Variants in GPHN observed in about 807,000 individuals in gnomAD.
The protein encoded by GPHN is gephyrin.
In GPHN, 17 loss-of-function variants were observed where a neutral mutation model predicts 95.5. The observed-to-expected ratio is 0.18, with a 90% CI of 0.12 to 0.27. The LOEUF (loss-of-function observed/expected upper bound fraction) is 0.27, where lower values mean the gene tolerates loss of function less well. GPHN is among the 10% of genes least tolerant of loss of function. The probability of loss-of-function intolerance (pLI) is 1.00; values close to 1 mark genes in which losing one functional copy is unlikely to be tolerated. For synonymous variants in GPHN, 320 were observed against 322.5 expected (o/e 0.99, Z 0.08); for missense variants, 660 against 978.1 (o/e 0.67, Z 4.34).
At chr14:67,399,989 C>T in the GPHN span, among the ~76,000 whole-genome samples, 1 of 152,266 alleles carries the variant, frequency 6.6e-6, no homozygotes, top group Non-Finnish European at 1.5e-5. Context: ...AGTCCGTTGC[C>T]CCAACTCACT....
chr14:66,707,847 A>G (rs761043480), intron 2 of GPHN, among the ~76,000 whole-genome samples: 2 of 152,160 alleles, frequency 1.3e-5, no homozygotes, highest in African/African-American at 2.4e-5. Context: ...TGATGTTTCA[A>G]TGTAGGTATA....
At chr14:66,821,947 G>A (rs75667733) in intron 3 of GPHN, among the ~76,000 whole-genome samples, 1,737 of 152,126 alleles carry the variant, frequency 0.011, 37 homozygotes, top group African/African-American at 0.04. Context: ...TAATAAAACT[G>A]ATTTTTGTTT....
At chr14:67,198,234 G>T in the GPHN span, 10 of 1,613,946 alleles carry the variant, frequency 6.2e-6, no homozygotes, top group South Asian at 9.9e-5. Flanking sequence ...ACACTCCCAT[G>T]ATCCGAGAGA....
intron 8 of GPHN, among the ~76,000 whole-genome samples, chr14:66,931,461 C>T (rs1210429289): frequency 6.6e-6 from 1 of 152,100 alleles, no homozygotes; most frequent in Non-Finnish European, 1.5e-5. Flanking sequence ...CAGTCTCTCT[C>T]TCTCTCTCTA....
chr14:67,161,502 C>G (rs929722782), intron 19 of GPHN, among the ~76,000 whole-genome samples: 2 of 151,986 alleles, frequency 1.3e-5, no homozygotes, highest in African/African-American at 2.4e-5. Flanking sequence ...TGGCTCACAC[C>G]TATAATCCCA....
intron 1 of GPHN, among the ~76,000 whole-genome samples, chr14:66,628,118 AG>A (rs1269991710): frequency 6.6e-6 from 1 of 152,170 alleles, no homozygotes; most frequent in Non-Finnish European, 1.5e-5. Context: ...CAGGGATCTA[AG>A]TTGCAGAAAA....
the GPHN span, chr14:67,645,916 T>C: frequency 1.7e-6 from 2 of 1,185,062 alleles, no homozygotes; most frequent in Admixed American, 2.2e-5. Context: ...TACCACTCCT[T>C]CATTTGTTCA....
At chr14:67,103,267 G>C (rs1320453152) in intron 13 of GPHN, among the ~76,000 whole-genome samples, 1 of 152,082 alleles carries the variant, frequency 6.6e-6, no homozygotes, top group Non-Finnish European at 1.5e-5. Flanking sequence ...CTATAGCTTT[G>C]TAGTATATTT....
chr14:66,545,621 C>A (rs2059546945), intron 1 of GPHN, among the ~76,000 whole-genome samples: 1 of 133,316 alleles, frequency 7.5e-6, no homozygotes, highest in African/African-American at 3.1e-5. Context: ...GACCCCCCCA[C>A]CTCCCTCCCG....
In GPHN at chr14:66,763,222, C is replaced by CT. The variant is rs34959102; in HGVS notation, c.144-13229dup. ...ATATTACAACTATTTTTTTTTTAAT[C>CT]TTTTTTTTTTTTTCTTTTTTTATTA... is the stretch of plus-strand genomic sequence containing the variant. On this transcript the variant is annotated intron_variant, in intron 2 of 22. Transcript: ENST00000478722. Among the ~76,000 whole-genome samples, 310 of 144,310 alleles carry CT rather than the reference C, an allele frequency of 2.1e-3. 2 individuals are homozygous for CT. The highest frequency in any genetic ancestry group is 3.7e-3 in the Middle Eastern group (1 of 270). 94.7% of individuals were successfully genotyped at this position (144,310 alleles called of 152,430 possible).
chr14:67,479,189 T>C, the GPHN span, among the ~76,000 whole-genome samples: 1 of 151,422 alleles, frequency 6.6e-6, no homozygotes, highest in African/African-American at 2.4e-5. Flanking sequence ...GGGTGGATCA[T>C]GAGGTCAGGA....
intron 8 of GPHN, among the ~76,000 whole-genome samples, chr14:66,949,104 AAGAC>A (rs755204946): frequency 3.1e-4 from 47 of 151,982 alleles, no homozygotes; most frequent in Non-Finnish European, 3.1e-4. Context: ...TTTTCTTTCT[AAGAC>A]AGAGTTTTTC....
chr14:66,884,078 G>A (rs2064061666), intron 5 of GPHN, among the ~76,000 whole-genome samples: 1 of 152,036 alleles, frequency 6.6e-6, no homozygotes, highest in South Asian at 2.1e-4. Context: ...TTGGGACAAA[G>A]AGCAAAAGAA....
At chr14:67,675,655 C>T in the GPHN span, among the ~76,000 whole-genome samples, 1 of 152,094 alleles carries the variant, frequency 6.6e-6, no homozygotes, top group Non-Finnish European at 1.5e-5. Context: ...GGGATCTGGG[C>T]ATGTTGGTGA....
the GPHN span, chr14:67,470,225 A>ATTTCTC: frequency 6.6e-6 from 1 of 152,280 alleles, no homozygotes; most frequent in Non-Finnish European, 1.5e-5. Context: ...GCCCCTGAGA[A>ATTTCTC]AGTGGCTCCA....
chr14:67,218,093 G>T, the GPHN span, among the ~76,000 whole-genome samples: 1 of 152,168 alleles, frequency 6.6e-6, no homozygotes, highest in South Asian at 2.1e-4. Flanking sequence ...GGCATCAGTG[G>T]TGCAGCTTTG....
chr14:66,799,215 G>A lies in GPHN; in HGVS notation c.201+22694G>A, dbSNP rs112462002. Among the ~76,000 whole-genome samples, 469 of 151,936 alleles carry A rather than the reference G, an allele frequency of 3.1e-3. 11 individuals carry two copies. The highest frequency in any genetic ancestry group is 0.011 in the African/African-American group (444 of 41,514). Reference sequence around the variant, plus strand: ...TTTTAGTTTTTAAAAAATGTTTTAAGACATATTTTGTGACCTAACATATGG... The same window carrying A: ...TTTTAGTTTTTAAAAAATGTTTTAAAACATATTTTGTGACCTAACATATGG... On this transcript the variant is annotated intron_variant, in intron 3 of 22. Coordinates refer to ENST00000478722, the MANE Select transcript of GPHN (RefSeq NM_020806.5).
At chr14:67,034,664 A>G (rs2074335213) in intron 10 of GPHN, among the ~76,000 whole-genome samples, 1 of 152,158 alleles carries the variant, frequency 6.6e-6, no homozygotes, top group Non-Finnish European at 1.5e-5. Flanking sequence ...CAGACAAAAT[A>G]TAGACTTTAG....
chr14:66,533,796 T>G (rs2059031076), intron 1 of GPHN, among the ~76,000 whole-genome samples: 1 of 152,240 alleles, frequency 6.6e-6, no homozygotes. Flanking sequence ...GAACACAGTT[T>G]TGTTACAGTT....
Sources: allele counts gnomAD v4.1 joint callset (sites outside exome capture counted in the v4.1 genomes callset), GRCh38; gene constraint gnomAD v4.1.1; transcripts MANE v1.5; gene names NCBI Gene and HGNC (gene_info 2026-07-23, HGNC 2026-07-21).